The following UBA6 variants were observed in gnomAD, a reference collection of about 807,000 sequenced individuals.
The protein encoded by UBA6 is ubiquitin-like modifier-activating enzyme 6.
Under a neutral mutation model 148.3 loss-of-function variants are expected in UBA6, and 87 were observed. The ratio of observed to expected loss-of-function variants is 0.59; its 90% CI spans 0.49 to 0.70. The LOEUF (loss-of-function observed/expected upper bound fraction) is 0.70, where lower values mean the gene tolerates loss of function less well. Among genes scored for constraint, UBA6 ranks in the 30% least tolerant of loss-of-function variants. The pLI is 0.00. For missense variants in UBA6, 1,186 were observed against 1,241.2 expected, an observed-to-expected ratio of 0.96 and a Z score of 0.67; for synonymous variants, 376 against 401.0, an observed-to-expected ratio of 0.94 and a Z score of 0.75.
intron 14 of UBA6, among the ~76,000 whole-genome samples, chr4:67,647,575 T>C (rs1260974291): frequency 1.3e-5 from 2 of 152,040 alleles, no homozygotes; most frequent in Admixed American, 1.3e-4. Flanking sequence ...TATAGGAAAA[T>C]AATCTAGGAA....
At chr4:67,637,110 G>T (rs528431340) in intron 19 of UBA6, among the ~76,000 whole-genome samples, 15 of 150,920 alleles carry the variant, frequency 9.9e-5, no homozygotes, top group Non-Finnish European at 1.9e-4. Context: ...GAGCCCCTCC[G>T]CCCAGCAGCC....
intron 2 of UBA6, among the ~76,000 whole-genome samples, chr4:67,687,183 G>A (rs1212416810): frequency 7.9e-5 from 12 of 151,056 alleles, no homozygotes; most frequent in East Asian, 3.9e-4. Flanking sequence ...TTACAGGTGC[G>A]TGCCACCATG....
chr4:67,661,282 G>C (rs1269667999), intron 13 of UBA6, among the ~76,000 whole-genome samples: 1 of 152,146 alleles, frequency 6.6e-6, no homozygotes, highest in African/African-American at 2.4e-5. Flanking sequence ...TTTTGGCTGT[G>C]TCCCCACCCA....
At chr4:67,629,561 TAAG>T (rs1431634165) in intron 26 of UBA6, among the ~76,000 whole-genome samples, 1 of 151,990 alleles carries the variant, frequency 6.6e-6, no homozygotes, top group Non-Finnish European at 1.5e-5. Flanking sequence ...ATTCATACCT[TAAG>T]AAGGAGGGAG....
At chr4:67,628,889 T>C (rs1002359199) in intron 27 of UBA6, among the ~76,000 whole-genome samples, 182 bp downstream of exon 27, 2 of 151,912 alleles carry the variant, frequency 1.3e-5, no homozygotes, top group Non-Finnish European at 2.9e-5. Flanking sequence ...AATTCCACAC[T>C]AGAATAAAAT....
intron 13 of UBA6, among the ~76,000 whole-genome samples, chr4:67,658,571 A>G (rs1729760738): frequency 1.3e-5 from 2 of 152,142 alleles, no homozygotes; most frequent in Non-Finnish European, 2.9e-5. Context: ...AGGGGGCGGA[A>G]ATGACTAACA....
Position 67,631,875 on chromosome 4 carries a change from T to C in UBA6, c.2176A>G (p.Ile726Val), listed in dbSNP as rs770484233. The C allele has an allele frequency of 4.3e-6, 7 of 1,612,288 alleles. No individual in the cohort carries two copies. Among genetic ancestry groups the C allele is most frequent in the African/African-American group, 1.3e-5 (1 of 74,944 alleles). Residue 726 changes from isoleucine (I) to valine (V), a missense_variant, in exon 24 of 33, where the codon ATA becomes GTA. Transcript: ENST00000322244. ...LQLLHCFPLD[I>V]RLKDGSLFWQ... Reference sequence around the variant, plus strand: ...TACTTACTGCCATCTTTTAATCGTATGTCCAGAGGGAAACAGTGAAGAAGC... The same window carrying C: ...TACTTACTGCCATCTTTTAATCGTACGTCCAGAGGGAAACAGTGAAGAAGC...
intron 13 of UBA6, among the ~76,000 whole-genome samples, chr4:67,653,182 T>C (rs925241119): frequency 6.6e-6 from 1 of 152,152 alleles, no homozygotes; most frequent in Non-Finnish European, 1.5e-5. Context: ...GTGGTTCTCA[T>C]AGCATGGCGT....
At chr4:67,663,552 G>A (rs763506447) in intron 11 of UBA6, 25 of 367,880 alleles carry the variant, frequency 6.8e-5, no homozygotes, top group Non-Finnish European at 1.0e-4. Context: ...TAAGAAATAT[G>A]TATTGTATAA....
chr4:67,623,155 C>A lies in UBA6; in HGVS notation c.2908G>T (p.Asp970Tyr). Residue 970 changes from aspartate (D) to tyrosine (Y), a missense_variant, in exon 31 of 33, where the codon GAT becomes TAT. Transcript: ENST00000322244. ...CTCACTTTGACTGCATTTATGAAAT[C>A]CAAGAGGGTGAAATCTTCTTTTCCA... Reference protein sequence around the residue: ...VHGKEDFTLLDFINAVKEKYG... With the variant: ...VHGKEDFTLLYFINAVKEKYG... The A allele has an allele frequency of 6.2e-7, 1 of 1,612,540 alleles. No homozygotes were observed. Among genetic ancestry groups the A allele is most frequent in the Non-Finnish European group, 8.5e-7 (1 of 1,178,980 alleles).
Position 67,626,413 on chromosome 4 carries a change from C to G in UBA6, c.2465G>C (p.Arg822Thr). 6.2e-7 allele frequency: 1 copy of G among 1,611,498 alleles called. No individual in the cohort carries two copies. ...CTTTTCTAGTTGGAAAATTGCATTCCTCTCATCTTCACTGCTAATAGGAAC... is the reference window on the plus strand; with the variant it reads ...CTTTTCTAGTTGGAAAATTGCATTCGTCTCATCTTCACTGCTAATAGGAAC... Reference protein sequence around the residue: ...DHVPISSEDERNAIFQLEKAI... With the variant: ...DHVPISSEDETNAIFQLEKAI... Residue 822 changes from arginine (R) to threonine (T), a missense_variant, in exon 28 of 33, where the codon AGG becomes ACG. Transcript: ENST00000322244.
At position 67,615,969 on chromosome 4, in the gene UBA6, G is replaced by A. The variant is rs932435251; in HGVS notation, c.*3028C>T. ...TGCTGTCAATATATTCTACTAAGCTGAGTGCTAGTTATATAGTTGCTTTAA... is the reference window on the plus strand; with the variant it reads ...TGCTGTCAATATATTCTACTAAGCTAAGTGCTAGTTATATAGTTGCTTTAA... On this transcript the variant is annotated 3_prime_UTR_variant, in exon 33 of 33. Transcript: ENST00000322244. 6 of 362,110 alleles carry A rather than the reference G, an allele frequency of 1.7e-5. No homozygotes were observed. Among genetic ancestry groups the A allele is most frequent in the Non-Finnish European group, 2.5e-5 (5 of 202,872 alleles). The allele number at this position is 362,110 out of a possible 1,614,324, so 22.4% of individuals were successfully genotyped here. A position where few individuals can be genotyped will look rare whatever the true frequency, so the allele number is the denominator to read the frequency against.
chr4:67,678,120 T>C (rs1250216921), intron 5 of UBA6, among the ~76,000 whole-genome samples: 1 of 146,422 alleles, frequency 6.8e-6, no homozygotes, highest in East Asian at 2.0e-4. Context: ...ATATATATTA[T>C]ATAATACATA....
chr4:67,643,614 C>T (rs995808934), intron 17 of UBA6, among the ~76,000 whole-genome samples: 2 of 151,960 alleles, frequency 1.3e-5, no homozygotes, highest in Non-Finnish European at 2.9e-5. Context: ...TGTAAGTACC[C>T]ATGGCTTTCA....
chr4:67,689,175 A>G (rs921788077), intron 2 of UBA6, among the ~76,000 whole-genome samples: 10 of 152,144 alleles, frequency 6.6e-5, no homozygotes, highest in Non-Finnish European at 1.3e-4. Flanking sequence ...GATTTTGCCT[A>G]ACTATAGGCT....
chr4:67,625,254 A>C lies in UBA6; in HGVS notation c.2519-67T>G, dbSNP rs1210288000. 3.3e-6 allele frequency: 4 copies of C among 1,204,496 alleles called. No individual in the cohort carries two copies. The African/African-American group carries it at 6.1e-5, about 18-fold the overall frequency. The allele number at this position is 1,204,496 out of a possible 1,614,324, so 74.6% of individuals were successfully genotyped here. A position where few individuals can be genotyped will look rare whatever the true frequency, so the allele number is the denominator to read the frequency against. The stretch of plus-strand genomic sequence containing the variant: ...GTAAAGATTTTACTAGGTAAAAAGC[A>C]ATGTGAATTTACTAACTTTCAAAGA... On this transcript the variant is annotated intron_variant, in intron 28 of 32. Coordinates refer to ENST00000322244, the MANE Select transcript of UBA6 (RefSeq NM_018227.6).
rs372115449 is a variant in UBA6 at position 67,636,783 on chromosome 4, G to A, written c.1737-1225C>T. 1.9e-4 allele frequency among the ~76,000 whole-genome samples: 29 copies of A among 152,310 alleles called. No homozygotes were observed. The South Asian group carries it at 3.7e-3, about 20-fold the overall frequency. On this transcript the variant is annotated intron_variant, in intron 19 of 32. Transcript: ENST00000322244. ...GCCGCCTGCCTTGGCCTCCCAAAGT[G>A]CCGAGATTGCAGCCTCTGCCCGGCC...
rs1373264800 is a variant in UBA6 at position 67,615,632 on chromosome 4, T to C, written c.*3365A>G. On this transcript the variant is annotated 3_prime_UTR_variant, in exon 33 of 33. Transcript: ENST00000322244. ...TTGCCTGAAACTAAAAACATCCCAA[T>C]TGTCTACAGTAAATAAATTGTGGCA... 6.6e-6 allele frequency: 1 copy of C among 152,274 alleles called. No individual in the cohort carries two copies. The highest frequency in any genetic ancestry group is 1.9e-4 in the East Asian group (1 of 5,204). The allele number at this position is 152,274 out of a possible 1,614,324, so 9.4% of individuals were successfully genotyped here. A position where few individuals can be genotyped will look rare whatever the true frequency, so the allele number is the denominator to read the frequency against.
chr4:67,660,540 A>G (rs1254214967), intron 13 of UBA6, among the ~76,000 whole-genome samples: 1 of 152,170 alleles, frequency 6.6e-6, no homozygotes, highest in East Asian at 1.9e-4. Flanking sequence ...AAGTCAAGCG[A>G]GATTTGGGAA....
Sources: gnomAD v4.1 joint callset for allele counts (sites outside exome capture counted in the v4.1 genomes callset) on GRCh38, gnomAD v4.1.1 for gene constraint, MANE v1.5 for transcripts, NCBI Gene and HGNC (gene_info 2026-07-23, HGNC 2026-07-21) for gene names.